The following SLC12A1 variants were observed in gnomAD, a reference collection of about 807,000 sequenced individuals.
SLC12A1 encodes the protein Na-K-2Cl cotransporter.
Under a neutral mutation model 130.4 loss-of-function variants are expected in SLC12A1, and 89 were observed. The observed-to-expected ratio is 0.68, with a 90% confidence interval of 0.58 to 0.81. SLC12A1 has a LOEUF of 0.81. Ranked by LOEUF, SLC12A1 falls within the 40% of genes least tolerant of loss-of-function variation. The pLI is 0.00. For synonymous variants in SLC12A1, 499 were observed against 460.0 expected (o/e 1.08, Z -1.09); for missense variants, 1,310 against 1,336.4 (o/e 0.98, Z 0.31).
At chr15:48,246,081 T>C (rs12900644) in intron 11 of SLC12A1, among the ~76,000 whole-genome samples, 147,475 of 152,344 alleles carry the variant, frequency 0.97, 71,582 homozygotes, top group East Asian at 1. Flanking sequence ...TTTTAACAAC[T>C]CACAAAGAGA....
At chr15:48,301,917 AT>A (rs1304046993) in intron 26 of SLC12A1, among the ~76,000 whole-genome samples, 1 of 152,222 alleles carries the variant, frequency 6.6e-6, no homozygotes, top group Non-Finnish European at 1.5e-5. Flanking sequence ...AAAGGTTGGT[AT>A]TTAAACAAGA....
At chr15:48,251,817 C>G (rs1427063811) in intron 15 of SLC12A1, 47 bp downstream of exon 15, 2 of 1,554,516 alleles carry the variant, frequency 1.3e-6, no homozygotes, top group South Asian at 1.1e-5. Context: ...CTCTCTCTAA[C>G]TACTCATTTA....
chr15:48,216,164 C>T (rs1219589313), intron 2 of SLC12A1, among the ~76,000 whole-genome samples: 1 of 152,122 alleles, frequency 6.6e-6, no homozygotes, highest in African/African-American at 2.4e-5. Context: ...ATTGACTACA[C>T]CTTTGAATAA....
rs765570639 is a variant in SLC12A1, at chr15:48,251,609, T to C, written c.1787-6T>C. ...GAAGTTTTCCTTCTGCATATTTTGTTTTCAGGATGGAGACCTGCGTATGGA... is the reference window on the plus strand; with the variant it reads ...GAAGTTTTCCTTCTGCATATTTTGTCTTCAGGATGGAGACCTGCGTATGGA... On this transcript the variant is annotated splice_region_variant and splice_polypyrimidine_tract_variant and intron_variant, in intron 14 of 26. Transcript: ENST00000380993. 1 of 1,612,522 alleles carries C rather than the reference T, an allele frequency of 6.2e-7. No individual in the cohort carries two copies. The highest frequency in any genetic ancestry group is 8.5e-7 in the Non-Finnish European group (1 of 1,178,588).
At chr15:48,240,078 T>TCC (rs1348293488) in intron 9 of SLC12A1, among the ~76,000 whole-genome samples, 2 of 111,984 alleles carry the variant, frequency 1.8e-5, no homozygotes, top group African/African-American at 1.0e-4. Context: ...TATCCATATA[T>TCC]ATATATATAT....
intron 9 of SLC12A1, among the ~76,000 whole-genome samples, chr15:48,239,507 C>T (rs190574784): frequency 9.6e-6 from 1 of 104,488 alleles, no homozygotes; most frequent in East Asian, 2.5e-4. Flanking sequence ...AGAACAAGAA[C>T]CCATCTCAAA....
At chr15:48,256,829 C>CA (rs200595446) in intron 16 of SLC12A1, among the ~76,000 whole-genome samples, 14 of 146,766 alleles carry the variant, frequency 9.5e-5, no homozygotes, top group Non-Finnish European at 1.7e-4. Context: ...CTGGCCCCCC[C>CA]CCCCAAATTT....
chr15:48,295,618 T>G (rs2042169876), intron 24 of SLC12A1, among the ~76,000 whole-genome samples: 1 of 152,200 alleles, frequency 6.6e-6, no homozygotes, highest in Non-Finnish European at 1.5e-5. Flanking sequence ...GAGAATTAAT[T>G]TTTTTGTCAG....
chr15:48,219,691 T>C (rs1037638594), intron 2 of SLC12A1, among the ~76,000 whole-genome samples: 14 of 152,172 alleles, frequency 9.2e-5, no homozygotes, highest in African/African-American at 3.4e-4. Context: ...CATGTCTATG[T>C]GTCTTTCATT....
At chr15:48,251,121 G>T (rs755907186) in intron 14 of SLC12A1, among the ~76,000 whole-genome samples, 3 of 151,934 alleles carry the variant, frequency 2.0e-5, no homozygotes, top group Non-Finnish European at 2.9e-5. Context: ...TGTCCTCTTA[G>T]GGTAATGGAA....
chr15:48,208,237 A>C, intron 2 of SLC12A1, 98 bp downstream of exon 2: 1 of 1,214,078 alleles, frequency 8.2e-7, no homozygotes. Flanking sequence ...GAAACAGTCA[A>C]ATGGAGAGGT....
rs1256789839 is a variant in SLC12A1, at chr15:48,247,422, T to C, written c.1646T>C (p.Ile549Thr). The change falls in exon 13 of 27, where the codon ATT becomes ACT. Residue 549 changes from isoleucine (I) to threonine (T), a missense_variant. Physicochemically the swap from Ile to Thr is moderately conservative, Grantham distance 89. Transcript: ENST00000380993. ...GKNNEPLRGYILTFLIAMAFI... is the reference protein window; with the variant it reads ...GKNNEPLRGYTLTFLIAMAFI... ...AACAATGAACCCCTGAGAGGATATA[T>C]TCTCACTTTTCTTATAGCCATGGCA... 3.1e-6 allele frequency: 5 copies of C among 1,609,672 alleles called. No individual in the cohort carries two copies. The highest frequency in any genetic ancestry group is 4.3e-6 in the Non-Finnish European group (5 of 1,176,174).
At chr15:48,218,722 C>T (rs1024790998) in intron 2 of SLC12A1, among the ~76,000 whole-genome samples, 1 of 152,174 alleles carries the variant, frequency 6.6e-6, no homozygotes, top group Non-Finnish European at 1.5e-5. Flanking sequence ...ATTCTATAAT[C>T]GTGGTAATTG....
At chr15:48,239,493 C>A (rs1289962970) in intron 9 of SLC12A1, among the ~76,000 whole-genome samples, 1 of 144,660 alleles carries the variant, frequency 6.9e-6, no homozygotes, top group East Asian at 2.0e-4. Context: ...CCAGCCTGGG[C>A]AACAGAACAA....
At chr15:48,250,308 C>T (rs1029408379) in intron 14 of SLC12A1, among the ~76,000 whole-genome samples, 1 of 152,160 alleles carries the variant, frequency 6.6e-6, no homozygotes. Context: ...GAAAGTTCTC[C>T]ACCTTGAGAA....
chr15:48,260,259 CATAATA>C (rs199909192), intron 17 of SLC12A1, among the ~76,000 whole-genome samples: 19 of 145,966 alleles, frequency 1.3e-4, no homozygotes, highest in East Asian at 8.1e-4. Flanking sequence ...AGCAAGACTC[CATAATA>C]ATAATAATAA....
intron 16 of SLC12A1, 63 bp from the exon 17 acceptor site, chr15:48,259,136 GA>G: frequency 9.5e-7 from 1 of 1,049,462 alleles, no homozygotes; most frequent in Non-Finnish European, 1.5e-6. Flanking sequence ...CATCCCACTG[GA>G]ATGGTTCTAA....
intron 19 of SLC12A1, among the ~76,000 whole-genome samples, 198 bp from the exon 20 acceptor site, chr15:48,274,373 C>T (rs1194689898): frequency 2.0e-5 from 3 of 152,134 alleles, no homozygotes; most frequent in Non-Finnish European, 4.4e-5. Context: ...ATTTAGTTAC[C>T]TCTACCCAAA....
intron 15 of SLC12A1, among the ~76,000 whole-genome samples, chr15:48,251,973 G>A (rs1290486000): frequency 6.6e-6 from 1 of 152,162 alleles, no homozygotes; most frequent in Non-Finnish European, 1.5e-5. Context: ...AGGAGGCTGA[G>A]GTAGGCAGAT....
Sources: allele counts gnomAD v4.1 joint callset (sites outside exome capture counted in the v4.1 genomes callset), GRCh38; gene constraint gnomAD v4.1.1; transcripts MANE v1.5; gene names NCBI Gene and HGNC (gene_info 2026-07-23, HGNC 2026-07-21).